The following ATP6V0A4 variants were observed in gnomAD, a reference collection of about 807,000 sequenced individuals.
ATP6V0A4 encodes the protein ATPase H+ transporting V0 subunit a4, also known as V-type proton ATPase 116 kDa subunit a 4.
ATP6V0A4 carries 86 observed loss-of-function variants against 107.3 expected under a neutral mutation model. The ratio of observed to expected loss-of-function variants is 0.80; its 90% CI spans 0.67 to 0.96. The LOEUF (loss-of-function observed/expected upper bound fraction) is 0.96. Among genes scored for constraint, ATP6V0A4 ranks in the 40% least tolerant of loss-of-function variants. ATP6V0A4 has a pLI of 0.00. For synonymous variants in ATP6V0A4, 353 were observed against 381.4 expected, an observed-to-expected ratio of 0.93 and a Z score of 0.87; for missense variants, 908 against 1,045.6, an observed-to-expected ratio of 0.87 and a Z score of 1.81.
intron 21 of ATP6V0A4, among the ~76,000 whole-genome samples, chr7:138,707,684 A>C (rs987028129): frequency 6.6e-6 from 1 of 151,224 alleles, no homozygotes; most frequent in Admixed American, 6.6e-5. Context: ...TTACAGGTGT[A>C]AGCCACTGCA....
intron 16 of ATP6V0A4, 138 bp downstream of exon 16, chr7:138,733,998 G>T: frequency 1.0e-6 from 1 of 963,610 alleles, no homozygotes; most frequent in Non-Finnish European, 1.6e-6. Flanking sequence ...CTTGGCTCAA[G>T]CCCAGATGCC....
chr7:138,726,138 C>T (rs994559876), intron 18 of ATP6V0A4, among the ~76,000 whole-genome samples: 5 of 152,184 alleles, frequency 3.3e-5, no homozygotes, highest in South Asian at 4.2e-4. Context: ...TACAGGCGCC[C>T]GCCACCACGC....
At chr7:138,711,903 T>C (rs1803762876) in intron 20 of ATP6V0A4, among the ~76,000 whole-genome samples, 1 of 152,238 alleles carries the variant, frequency 6.6e-6, no homozygotes, top group African/African-American at 2.4e-5. Flanking sequence ...TCGTGTGAAG[T>C]GGCTATCCCA....
chr7:138,715,251 G>T (rs1246097407), intron 20 of ATP6V0A4, among the ~76,000 whole-genome samples: 1 of 152,190 alleles, frequency 6.6e-6, no homozygotes, highest in Admixed American at 6.5e-5. Flanking sequence ...GCCCAGGGTG[G>T]AGTGCAGTGA....
chr7:138,716,577 G>C (rs35252659), intron 19 of ATP6V0A4, among the ~76,000 whole-genome samples: 43 of 115,660 alleles, frequency 3.7e-4, no homozygotes, highest in Admixed American at 6.9e-4. Context: ...TTTTTTTTTG[G>C]GGGGGGGGGA....
intron 7 of ATP6V0A4, among the ~76,000 whole-genome samples, chr7:138,760,585 A>C (rs1164333842): frequency 1.3e-5 from 2 of 152,092 alleles, no homozygotes; most frequent in Non-Finnish European, 2.9e-5. Flanking sequence ...TGATGTCTAT[A>C]TATATCTGTT....
At chr7:138,710,692 C>A (rs1333483531) in intron 20 of ATP6V0A4, among the ~76,000 whole-genome samples, 1 of 152,170 alleles carries the variant, frequency 6.6e-6, no homozygotes, top group Non-Finnish European at 1.5e-5. Context: ...AGGGCACATG[C>A]CAGGTACTGA....
intron 20 of ATP6V0A4, among the ~76,000 whole-genome samples, chr7:138,711,795 C>T (rs915135444): frequency 2.6e-5 from 4 of 152,368 alleles, no homozygotes; most frequent in African/African-American, 4.8e-5. Flanking sequence ...CAGACTTTCA[C>T]GTGCACACGA....
intron 18 of ATP6V0A4, among the ~76,000 whole-genome samples, chr7:138,728,502 C>T (rs935311897): frequency 2.6e-5 from 4 of 151,468 alleles, no homozygotes; most frequent in Admixed American, 6.6e-5. Flanking sequence ...GCTAGGATTA[C>T]AGGCGTGGGC....
chr7:138,722,735 A>C (rs1276813694), intron 18 of ATP6V0A4, among the ~76,000 whole-genome samples: 1 of 96,832 alleles, frequency 1.0e-5, no homozygotes, highest in Non-Finnish European at 1.8e-5. Context: ...ACAGAGTGAG[A>C]CTCCATCTCA....
chr7:138,722,791 G>T (rs1357099586), intron 18 of ATP6V0A4, among the ~76,000 whole-genome samples: 1 of 148,544 alleles, frequency 6.7e-6, no homozygotes, highest in Non-Finnish European at 1.5e-5. Context: ...AGGCACAGTG[G>T]CTCATGCCTA....
At chr7:138,736,802 C>T (rs573423983) in intron 15 of ATP6V0A4, among the ~76,000 whole-genome samples, 2 of 151,974 alleles carry the variant, frequency 1.3e-5, no homozygotes, top group Non-Finnish European at 2.9e-5. Flanking sequence ...AACTCCTGAC[C>T]TCAAATGATC....
rs186674158 is a variant in ATP6V0A4, at chr7:138,796,997, G to A, written c.-121+1037C>T. On this transcript the variant is annotated intron_variant, in intron 1 of 21. Coordinates refer to ENST00000310018, the MANE Select transcript of ATP6V0A4 (RefSeq NM_020632.3). Reference sequence around the variant, plus strand: ...TGTTTCAAATTCCTCTACCAGGCACGCAGAAGCTTAGCCCACAGCTCTCCT... The same window carrying A: ...TGTTTCAAATTCCTCTACCAGGCACACAGAAGCTTAGCCCACAGCTCTCCT... 1.6e-4 allele frequency among the ~76,000 whole-genome samples: 24 copies of A among 152,186 alleles called. No homozygotes were observed. In the South Asian group the frequency reaches 2.1e-3, roughly 13 times the overall value.
rs1254323438 is a variant in ATP6V0A4, at chr7:138,715,767, C to T, written c.2254G>A (p.Ala752Thr). Residue 752 changes from alanine to threonine, a missense_variant, in exon 20 of 22, where the codon GCA (alanine) becomes ACA (threonine). Physicochemically the swap from Ala to Thr is moderately conservative, Grantham distance 58 (BLOSUM62 0). Transcript: ENST00000310018. ...LRLWALSLAHAQLSEVLWTMV... is the reference protein window; with the variant it reads ...LRLWALSLAHTQLSEVLWTMV... ...CCCCGATGGGCTGCTCACTCACGTG[C>T]ATGAGCCAGGCTGAGGGCCCAGAGC... is the stretch of plus-strand genomic sequence containing the variant. 6.2e-7 allele frequency: 1 copy of T among 1,613,628 alleles called. No homozygotes were observed. Among genetic ancestry groups the T allele is most frequent in the South Asian group, 1.1e-5 (1 of 91,086 alleles).
At chr7:138,779,729 C>A (rs146225812) in intron 2 of ATP6V0A4, among the ~76,000 whole-genome samples, 1 of 152,134 alleles carries the variant, frequency 6.6e-6, no homozygotes, top group African/African-American at 2.4e-5. Flanking sequence ...TCTCCTGATA[C>A]CCCATAACTT....
intron 21 of ATP6V0A4, among the ~76,000 whole-genome samples, chr7:138,708,068 T>TATTC (rs1246865939): frequency 6.7e-6 from 1 of 149,040 alleles, no homozygotes; most frequent in East Asian, 2.0e-4. Flanking sequence ...TTTATTTATT[T>TATTC]TGAGACGGAG....
rs768131719 is a variant in ATP6V0A4 at position 138,798,182 on chromosome 7, G to GGCAGGT, written c.-275_-270dup. ...TTGCCTCCCTCCACTCGGCTTGCTC[G>GGCAGGT]GCAGGTAGCGTTATGAGCTTTATTC... On this transcript the variant is annotated 5_prime_UTR_variant, in exon 1 of 22. Transcript: ENST00000310018. The GGCAGGT allele has an allele frequency of 4.4e-6, 7 of 1,590,296 alleles. No homozygotes were observed. In the Admixed American group the frequency reaches 1.3e-4, roughly 29 times the overall value.
Position 138,749,275 on chromosome 7 carries a change from G to T in ATP6V0A4, c.1072C>A (p.Gln358Lys). ...SSMAPIMTTV[Q>K]SKTAPPTFNR... ...AATGTGGGAGGGGCTGTTTTAGATT[G>T]CACTGTGGTCATGATGGGGGCCATG... The change falls in exon 12 of 22, where the codon CAA becomes AAA. Residue 358 changes from glutamine to lysine, a missense_variant. Transcript: ENST00000310018. 6.2e-7 allele frequency: 1 copy of T among 1,611,756 alleles called. No homozygotes were observed. Among genetic ancestry groups the T allele is most frequent in the Non-Finnish European group, 8.5e-7 (1 of 1,179,006 alleles).
intron 8 of ATP6V0A4, among the ~76,000 whole-genome samples, chr7:138,757,244 A>G (rs2117302126): frequency 6.6e-6 from 1 of 152,312 alleles, no homozygotes; most frequent in East Asian, 1.9e-4. Context: ...GACCGGGTGC[A>G]GTAGCTCACA....
Sources: allele counts gnomAD v4.1 joint callset (sites outside exome capture counted in the v4.1 genomes callset), GRCh38; gene constraint gnomAD v4.1.1; transcripts MANE v1.5; gene names NCBI Gene and HGNC (gene_info 2026-07-23, HGNC 2026-07-21).